The following UBIAD1 variants were observed in gnomAD, a reference collection of about 807,000 sequenced individuals.
UBIAD1 encodes UbiA prenyltransferase domain containing 1, also known as ubiA prenyltransferase domain-containing protein 1.
A neutral mutation model predicts 20.1 loss-of-function variants in UBIAD1; 12 were observed. The observed-to-expected ratio is 0.60, with a 90% CI of 0.38 to 0.97. The LOEUF (loss-of-function observed/expected upper bound fraction) is 0.97, where lower values mean the gene tolerates loss of function less well. Ranked by LOEUF, UBIAD1 falls within the 50% of genes least tolerant of loss-of-function variation. UBIAD1 has a pLI of 0.00. For missense variants in UBIAD1, 333 were observed against 419.5 expected, an observed-to-expected ratio of 0.79 and a Z score of 1.80; for synonymous variants, 207 against 189.2, an observed-to-expected ratio of 1.09 and a Z score of -0.77.
Position 11,286,047 on chromosome 1 carries a change from G to C in UBIAD1, c.933G>C (p.Arg311Ser), listed in dbSNP as rs763132891. The change falls in exon 2 of 2, where the codon AGG becomes AGC. Residue 311 changes from arginine (R) to serine (S), a missense_variant. Arg to Ser is a moderately radical substitution (Grantham distance 110). Coordinates refer to ENST00000376810, the MANE Select transcript of UBIAD1 (RefSeq NM_013319.3). ...AGGCCTTCAACAAACTGCCCCAGAG[G>C]ACTGCCAAGCTCAACCTCCTGCTGG... ...RSQAFNKLPQ[R>S]TAKLNLLLGL... 4 of 1,614,122 alleles carry C rather than the reference G, an allele frequency of 2.5e-6. No individual in the cohort carries two copies. The South Asian group carries it at 4.4e-5, about 18-fold the overall frequency.
intron 1 of UBIAD1, chr1:11,293,591 G>A (rs1638401579): frequency 6.6e-6 from 1 of 152,198 alleles, no homozygotes; most frequent in Non-Finnish European, 1.5e-5. Context: ...GTGAGAGTTT[G>A]GACCACTGCA....
Position 11,287,563 on chromosome 1 carries a change from G to A in UBIAD1, c.*1432G>A, listed in dbSNP as rs527492463. The stretch of plus-strand genomic sequence containing the variant: ...GTAAGAACTAGTTCTTAATCTTTCA[G>A]ATCAAGCTAATGATGATATGGAACC... On this transcript the variant is annotated 3_prime_UTR_variant, in exon 2 of 2. Coordinates refer to ENST00000376810, the MANE Select transcript of UBIAD1 (RefSeq NM_013319.3). 2 of 152,318 alleles carry A rather than the reference G, an allele frequency of 1.3e-5. No individual in the cohort carries two copies. Among genetic ancestry groups the A allele is most frequent in the Non-Finnish European group, 2.9e-5 (2 of 68,028 alleles). The allele number at this position is 152,318 out of a possible 1,614,324, so 9.4% of individuals were successfully genotyped here.
intron 1 of UBIAD1, among the ~76,000 whole-genome samples, chr1:11,275,714 G>C (rs1458396776): frequency 6.6e-6 from 1 of 152,162 alleles, no homozygotes; most frequent in Non-Finnish European, 1.5e-5. Flanking sequence ...CTGCACTCCA[G>C]CCTGGGCGAC....
intron 1 of UBIAD1, among the ~76,000 whole-genome samples, chr1:11,294,597 A>G (rs1638419421): frequency 6.6e-6 from 1 of 152,132 alleles, no homozygotes; most frequent in Admixed American, 6.6e-5. Flanking sequence ...AGTGCCACAG[A>G]GGTGGTTCCC....
chr1:11,287,750 A>G lies in UBIAD1; in HGVS notation c.*1619A>G, dbSNP rs1638297348. 6.6e-6 allele frequency: 1 copy of G among 152,146 alleles called. No individual in the cohort carries two copies. The highest frequency in any genetic ancestry group is 6.5e-5 in the Admixed American group (1 of 15,270). The allele number at this position is 152,146 out of a possible 1,614,324, so 9.4% of individuals were successfully genotyped here. On this transcript the variant is annotated 3_prime_UTR_variant, in exon 2 of 2. Coordinates refer to ENST00000376810, the MANE Select transcript of UBIAD1 (RefSeq NM_013319.3). ...CGAGACCATCTTGGCTAACACGGTG[A>G]AACCCCGTTTCTACTAAAAATACAA... is the stretch of plus-strand genomic sequence containing the variant.
In UBIAD1 at chr1:11,273,399, C is replaced by T. The variant is rs1294068031; in HGVS notation, c.-133C>T. The stretch of plus-strand genomic sequence containing the variant: ...TTGCTGTTGCCCCCGGACCTTGCCG[C>T]CACACCAGCCCTGTCCTGGGGCGGA... On this transcript the variant is annotated 5_prime_UTR_variant, in exon 1 of 2. Transcript: ENST00000376810. This position sits in a 1 kb window ranked among gnomAD's most constrained non-coding sequence, Gnocchi z 4.9. 3 of 1,170,548 alleles carry T rather than the reference C, an allele frequency of 2.6e-6. No individual in the cohort carries two copies. The highest frequency in any genetic ancestry group is 1.5e-5 in the African/African-American group (1 of 65,608). The allele number at this position is 1,170,548 out of a possible 1,614,324, so 72.5% of individuals were successfully genotyped here.
chr1:11,279,278 A>G, intron 1 of UBIAD1: 1 of 224,118 alleles, frequency 4.5e-6, no homozygotes, highest in Non-Finnish European at 9.7e-6. Flanking sequence ...ATTGCCTATC[A>G]ATAGCTGCAT....
Position 11,287,923 on chromosome 1 carries a change from C to T in UBIAD1, c.*1792C>T, listed in dbSNP as rs995217179. The T allele has an allele frequency of 8.1e-5, 12 of 148,542 alleles. No homozygotes were observed. Among genetic ancestry groups the T allele is most frequent in the African/African-American group, 2.5e-4 (10 of 39,314 alleles). The allele number at this position is 148,542 out of a possible 1,614,324, so 9.2% of individuals were successfully genotyped here. The stretch of plus-strand genomic sequence containing the variant: ...CAACCTGGGGGACACAGCAAGACTC[C>T]GTCTCAAAAAAAAAAAAAGAAAAAG... On this transcript the variant is annotated 3_prime_UTR_variant, in exon 2 of 2. Transcript: ENST00000376810.
intron 1 of UBIAD1, among the ~76,000 whole-genome samples, chr1:11,275,874 G>A (rs1652005093): frequency 6.6e-6 from 1 of 152,158 alleles, no homozygotes; most frequent in Admixed American, 6.6e-5. Context: ...GCAGGAATGT[G>A]TCCAAAGAGC....
chr1:11,286,809 A>C lies in UBIAD1; in HGVS notation c.*678A>C, dbSNP rs1312440542. 6.5e-6 allele frequency: 1 copy of C among 153,928 alleles called. No homozygotes were observed. Among genetic ancestry groups the C allele is most frequent in the African/African-American group, 2.4e-5 (1 of 41,570 alleles). The allele number at this position is 153,928 out of a possible 1,614,324, so 9.5% of individuals were successfully genotyped here. On this transcript the variant is annotated 3_prime_UTR_variant, in exon 2 of 2. Coordinates refer to ENST00000376810, the MANE Select transcript of UBIAD1 (RefSeq NM_013319.3). ...GACAAGCCAAGGACTGGGAGGGAAAAAAAAACCACTCTGGAGGCAACTGAG... is the reference window on the plus strand; with the variant it reads ...GACAAGCCAAGGACTGGGAGGGAAACAAAAACCACTCTGGAGGCAACTGAG...
chr1:11,293,027 C>T (rs973667685), downstream of UBIAD1, among the ~76,000 whole-genome samples: 1 of 152,122 alleles, frequency 6.6e-6, no homozygotes, highest in African/African-American at 2.4e-5. Flanking sequence ...TGAGTCTGGG[C>T]TCATCAGGAG....
chr1:11,284,687 G>C (rs553314415), intron 1 of UBIAD1, among the ~76,000 whole-genome samples: 1 of 152,254 alleles, frequency 6.6e-6, no homozygotes, highest in South Asian at 2.1e-4. Flanking sequence ...TGATCTGGAA[G>C]TCCTGACCTC....
rs1638247459 is a variant in UBIAD1, at chr1:11,285,604, C to G, written c.530-40C>G. Reference sequence around the variant, plus strand: ...TGGTGAACAGTCCCTAAATTTCCAGCCTTGGTCTCACACCAACTCTCTGGA... The same window carrying G: ...TGGTGAACAGTCCCTAAATTTCCAGGCTTGGTCTCACACCAACTCTCTGGA... On this transcript the variant is annotated intron_variant, in intron 1 of 1. Coordinates refer to ENST00000376810, the MANE Select transcript of UBIAD1 (RefSeq NM_013319.3). The surrounding 1 kb of genome is among the most constrained non-coding windows in gnomAD (Gnocchi z 4.4). 1 of 1,613,614 alleles carries G rather than the reference C, an allele frequency of 6.2e-7. No homozygotes were observed. The highest frequency in any genetic ancestry group is 8.5e-7 in the Non-Finnish European group (1 of 1,180,018).
rs1424496244 is a variant in UBIAD1, at chr1:11,286,016, G to A, written c.902G>A (p.Arg301Gln). The A allele has an allele frequency of 1.2e-6, 2 of 1,613,978 alleles. No homozygotes were observed. The highest frequency in any genetic ancestry group is 1.7e-6 in the Non-Finnish European group (2 of 1,180,018). ...GCCTTCTCCCTTGAGAGACAGTTTC[G>A]AAGCCAGGCCTTCAACAAACTGCCC... is the stretch of plus-strand genomic sequence containing the variant. ...PMAFSLERQF[R>Q]SQAFNKLPQR... Residue 301 changes from arginine (R) to glutamine (Q), a missense_variant, in exon 2 of 2, where the codon CGA (arginine) becomes CAA (glutamine). Physicochemically the swap from Arg to Gln is conservative, Grantham distance 43 (BLOSUM62 1). Around this residue, in one of 3 missense-constraint regions of UBIAD1, gnomAD observed 226 missense variants for 263.5 expected, o/e 0.86. Coordinates refer to ENST00000376810, the MANE Select transcript of UBIAD1 (RefSeq NM_013319.3).
Position 11,273,421 on chromosome 1 carries a change from C to CG in UBIAD1, c.-109dup, listed in dbSNP as rs1651850631. 17 of 1,388,534 alleles carry CG rather than the reference C, an allele frequency of 1.2e-5. No homozygotes were observed. In the South Asian group the frequency reaches 2.0e-4, roughly 17 times the overall value. 86.0% of individuals were successfully genotyped at this position (1,388,534 alleles called of 1,614,324 possible). On this transcript the variant is annotated 5_prime_UTR_variant, in exon 1 of 2. Coordinates refer to ENST00000376810, the MANE Select transcript of UBIAD1 (RefSeq NM_013319.3). The surrounding 1 kb of genome is among the most constrained non-coding windows in gnomAD (Gnocchi z 4.9). ...CCGCCACACCAGCCCTGTCCTGGGG[C>CG]GGAACCGAAGGAAGGTCGGGCCCTG...
downstream of UBIAD1, among the ~76,000 whole-genome samples, chr1:11,288,878 C>T (rs1638315899): frequency 6.6e-6 from 1 of 151,700 alleles, no homozygotes; most frequent in Admixed American, 6.6e-5. Flanking sequence ...CGCCACTGCA[C>T]ATCCGCCTGG....
chr1:11,274,909 A>G lies in UBIAD1; in HGVS notation c.529+849A>G, dbSNP rs527690248. ...AGGCGTGAGCCACCATGCCCGGCCTATATGGACATTTTTTCTGTCTCATTT... is the reference window on the plus strand; with the variant it reads ...AGGCGTGAGCCACCATGCCCGGCCTGTATGGACATTTTTTCTGTCTCATTT... On this transcript the variant is annotated intron_variant, in intron 1 of 1. Transcript: ENST00000376810. Among the ~76,000 whole-genome samples, 22 of 152,220 alleles carry G rather than the reference A, an allele frequency of 1.4e-4. 1 individual carries two copies. The East Asian group carries it at 4.2e-3, about 29-fold the overall frequency.
At chr1:11,297,181 G>A (rs1233491891), downstream of UBIAD1, among the ~76,000 whole-genome samples, 2 of 152,166 alleles carry the variant, frequency 1.3e-5, no homozygotes, top group African/African-American at 2.4e-5. Context: ...CTATGTTGAA[G>A]CCTAATCCCC....
At chr1:11,296,386 C>T (rs561285686), downstream of UBIAD1, among the ~76,000 whole-genome samples, 1 of 152,240 alleles carries the variant, frequency 6.6e-6, no homozygotes, top group South Asian at 2.1e-4. Context: ...TTTGAGCTTC[C>T]GGTGCCTCCT....
Sources: gnomAD v4.1 joint callset for allele counts (sites outside exome capture counted in the v4.1 genomes callset) on GRCh38, gnomAD v4.1.1 for gene constraint, gnomAD v4.1.1 regional missense constraint, Gnocchi (gnomAD v3.1) non-coding constraint, MANE v1.5 for transcripts, NCBI Gene and HGNC (gene_info 2026-07-23, HGNC 2026-07-21) for gene names.